Variants in ZNF831 observed in about 807,000 individuals in gnomAD.
ZNF831 encodes zinc finger protein 831.
ZNF831 carries 59 observed loss-of-function variants against 95.8 expected under a neutral mutation model. The ratio of observed to expected loss-of-function variants is 0.62; its 90% CI spans 0.50 to 0.77. The LOEUF (loss-of-function observed/expected upper bound fraction) is 0.77, where lower values mean the gene tolerates loss of function less well. ZNF831 is among the 30% of genes least tolerant of loss of function. The probability of loss-of-function intolerance (pLI) is 0.00; values close to 1 mark genes in which losing one functional copy is unlikely to be tolerated. For missense variants in ZNF831, 2,205 were observed against 2,164.0 expected (o/e 1.02, Z -0.38); for synonymous variants, 961 against 925.5 (o/e 1.04, Z -0.70).
intron 4 of ZNF831, among the ~76,000 whole-genome samples, chr20:59,246,639 C>T (rs1338034687): frequency 1.3e-5 from 2 of 152,102 alleles, no homozygotes; most frequent in Non-Finnish European, 1.5e-5. Context: ...TTAAACACCG[C>T]TTTGCACTGA....
intron 1 of ZNF831, among the ~76,000 whole-genome samples, chr20:59,167,818 G>A (rs1229731229): frequency 1.3e-5 from 2 of 151,990 alleles, no homozygotes; most frequent in Non-Finnish European, 2.9e-5. Context: ...AGGTTGCACT[G>A]AGCTGAGATC....
intron 1 of ZNF831, among the ~76,000 whole-genome samples, chr20:59,187,904 A>C (rs1188528086): frequency 1.3e-5 from 2 of 152,142 alleles, no homozygotes; most frequent in Non-Finnish European, 2.9e-5. Context: ...AAAACACGTG[A>C]TATTTTGTGT....
intron 2 of ZNF831, 49 bp from the exon 3 acceptor site, chr20:59,195,820 A>T (rs769928321): frequency 3.2e-6 from 5 of 1,580,020 alleles, no homozygotes; most frequent in Non-Finnish European, 4.3e-6. Flanking sequence ...AGTTTTCTTC[A>T]TCATGAGGAC....
intron 1 of ZNF831, among the ~76,000 whole-genome samples, chr20:59,128,044 G>C (rs553224629): frequency 4.0e-4 from 61 of 152,336 alleles, no homozygotes; most frequent in African/African-American, 1.4e-3. Context: ...GCAACCGTGC[G>C]TGTGCAGCAC....
chr20:59,210,412 G>A (rs1350484696), intron 4 of ZNF831, among the ~76,000 whole-genome samples: 5 of 152,134 alleles, frequency 3.3e-5, no homozygotes, highest in Admixed American at 3.3e-4. Flanking sequence ...GTGTTTGTTG[G>A]AGCTGAAATC....
At chr20:59,236,137 T>C (rs1020363866) in intron 4 of ZNF831, among the ~76,000 whole-genome samples, 2 of 152,202 alleles carry the variant, frequency 1.3e-5, no homozygotes, top group African/African-American at 4.8e-5. Flanking sequence ...TCATTCTTCC[T>C]TCCTGTTCTG....
Position 59,145,829 on chromosome 20 carries a change from G to A in ZNF831, c.-1424-402G>A, listed in dbSNP as rs1044864665. On this transcript the variant is annotated intron_variant, in intron 1 of 7. Coordinates refer to the ZNF831 transcript ENST00000637017. ...GAGTGGCCGTGGGAGTGGTATGGTC[G>A]GAAAAGAGGGGACCAAGGGAGCCCA... Among the ~76,000 whole-genome samples the A allele has an allele frequency of 3.3e-5, 5 of 152,122 alleles. No individual in the cohort carries two copies. The South Asian group carries it at 6.2e-4, about 19-fold the overall frequency.
chr20:59,223,465 C>G (rs949382006), intron 4 of ZNF831, among the ~76,000 whole-genome samples: 1 of 152,158 alleles, frequency 6.6e-6, no homozygotes, highest in Non-Finnish European at 1.5e-5. Context: ...CAGAGAGATG[C>G]AGGAGGAACG....
chr20:59,222,058 C>T (rs1407528291), intron 4 of ZNF831, among the ~76,000 whole-genome samples: 2 of 152,258 alleles, frequency 1.3e-5, no homozygotes, highest in Non-Finnish European at 2.9e-5. Context: ...GCGACGCCCC[C>T]TCCCTTAACT....
intron 4 of ZNF831, among the ~76,000 whole-genome samples, chr20:59,218,775 G>A (rs1176944616): frequency 6.6e-6 from 1 of 152,022 alleles, no homozygotes; most frequent in Non-Finnish European, 1.5e-5. Flanking sequence ...ATTAAGAGGA[G>A]GCCAAGGAGG....
In ZNF831 at chr20:59,193,142, C is replaced by T; in HGVS notation, c.2123C>T (p.Thr708Ile). ...GAGGCCTCCTTGGTGACTGAACCCACTAAGCATGGGGAGACGGTGGCCAGG... is the reference window on the plus strand; with the variant it reads ...GAGGCCTCCTTGGTGACTGAACCCATTAAGCATGGGGAGACGGTGGCCAGG... ...ALEASLVTEP[T>I]KHGETVARRG... The change falls in exon 2 of 6, where the codon ACT becomes ATT. Residue 708 changes from threonine to isoleucine, a missense_variant. By Grantham distance (89) the Thr-to-Ile change is moderately conservative (BLOSUM62 -1). Transcript: ENST00000371030. 1.3e-6 allele frequency: 2 copies of T among 1,578,074 alleles called. No individual in the cohort carries two copies. Among genetic ancestry groups the T allele is most frequent in the Non-Finnish European group, 8.6e-7 (1 of 1,161,612 alleles).
At chr20:59,132,770 A>C (rs946455293) in intron 1 of ZNF831, among the ~76,000 whole-genome samples, 1 of 152,218 alleles carries the variant, frequency 6.6e-6, no homozygotes, top group African/African-American at 2.4e-5. Context: ...AGCACCCCTC[A>C]GCTGGAAGAA....
At chr20:59,235,279 C>T (rs192987141) in intron 4 of ZNF831, among the ~76,000 whole-genome samples, 407 of 152,260 alleles carry the variant, frequency 2.7e-3, no homozygotes, top group African/African-American at 9.1e-3. Context: ...CTCGAGCACC[C>T]GGCCACAGTC....
intron 1 of ZNF831, among the ~76,000 whole-genome samples, chr20:59,132,924 A>G (rs1005275740): frequency 1.3e-5 from 2 of 152,244 alleles, no homozygotes; most frequent in Admixed American, 1.3e-4. Context: ...CCACAGCTGG[A>G]AGCTTCTCAA....
rs147943036 is a variant in ZNF831, at chr20:59,136,323, G to A, written c.-1424-9908G>A. ...TTACTTCAGCCCCAACTTTATAATT[G>A]AGAGTATTTTTCCTATCTTAAAGTG... On this transcript the variant is annotated intron_variant, in intron 1 of 7. Transcript: ENST00000637017. Among the ~76,000 whole-genome samples the A allele has an allele frequency of 5.9e-4, 90 of 152,210 alleles. 2 individuals are homozygous for A. The East Asian group carries it at 0.015, about 25-fold the overall frequency.
intron 1 of ZNF831, among the ~76,000 whole-genome samples, chr20:59,175,500 C>T (rs996711348): frequency 6.6e-6 from 1 of 151,876 alleles, no homozygotes; most frequent in Non-Finnish European, 1.5e-5. Context: ...TTCAAGTTCA[C>T]CGATTCTTTT....
intron 1 of ZNF831, among the ~76,000 whole-genome samples, chr20:59,145,882 C>G (rs1217608195): frequency 6.6e-6 from 1 of 152,202 alleles, no homozygotes; most frequent in Non-Finnish European, 1.5e-5. Context: ...CCTCACCCTC[C>G]TCCTCCTCAA....
chr20:59,201,681 G>A (rs1984540173), intron 3 of ZNF831, among the ~76,000 whole-genome samples: 1 of 152,064 alleles, frequency 6.6e-6, no homozygotes, highest in Non-Finnish European at 1.5e-5. Flanking sequence ...TTATTTTTGT[G>A]TGTGGATATC....
chr20:59,195,973 C>T lies in ZNF831; in HGVS notation c.3843C>T (p.Ser1281=). 1 of 1,614,094 alleles carries T rather than the reference C, an allele frequency of 6.2e-7. No individual in the cohort carries two copies. Among genetic ancestry groups the T allele is most frequent in the Non-Finnish European group, 8.5e-7 (1 of 1,179,996 alleles). The change falls in exon 3 of 6, where the codon AGC becomes AGT. Residue 1281 remains serine (S), a synonymous_variant. Transcript: ENST00000371030. The part of the protein sequence containing the change: ...PWRAKMSRGN[S]KQRKLKINPK... ...GGGCAAAGATGTCTCGTGGGAACAG[C>T]AAGCAGAGAAAACTGAAGATCAACC... is the stretch of plus-strand genomic sequence containing the variant.
Sources: allele counts gnomAD v4.1 joint callset (sites outside exome capture counted in the v4.1 genomes callset), GRCh38; gene constraint gnomAD v4.1.1; transcripts MANE v1.5; gene names NCBI Gene and HGNC (gene_info 2026-07-23, HGNC 2026-07-21).